The following ZCCHC17 variants were observed in gnomAD, a reference collection of about 807,000 sequenced individuals.
ZCCHC17 encodes zinc finger CCHC domain-containing protein 17.
ZCCHC17 carries 18 observed loss-of-function variants against 30.6 expected under a neutral mutation model. The ratio of observed to expected loss-of-function variants is 0.59; its 90% CI spans 0.41 to 0.87. The LOEUF is 0.87. Among genes scored for constraint, ZCCHC17 ranks in the 40% least tolerant of loss-of-function variants. ZCCHC17 has a pLI of 0.00. For missense variants in ZCCHC17, 263 were observed against 284.2 expected (o/e 0.93, Z 0.54); for synonymous variants, 88 against 92.4 (o/e 0.95, Z 0.27).
chr1:31,347,983 C>T (rs1004443313), intron 6 of ZCCHC17, among the ~76,000 whole-genome samples: 2 of 149,946 alleles, frequency 1.3e-5, no homozygotes, highest in Non-Finnish European at 3.0e-5. Flanking sequence ...TCAGACACAA[C>T]TAGCAGTGTA....
intron 3 of ZCCHC17, among the ~76,000 whole-genome samples, chr1:31,323,212 A>G (rs58768571): frequency 0.084 from 12,770 of 152,268 alleles, 1,789 homozygotes; most frequent in African/African-American, 0.29. Flanking sequence ...TGTATTTCTT[A>G]TACCACAGTA....
chr1:31,328,265 G>A (rs6687819), intron 3 of ZCCHC17, among the ~76,000 whole-genome samples: 82,576 of 151,948 alleles, frequency 0.54, 23,344 homozygotes, highest in Non-Finnish European at 0.62. Flanking sequence ...TGTAATTTCA[G>A]CACTTTGGGA....
intron 3 of ZCCHC17, among the ~76,000 whole-genome samples, chr1:31,336,735 G>T (rs2148452076): frequency 6.6e-6 from 1 of 151,800 alleles, no homozygotes; most frequent in East Asian, 2.0e-4. Flanking sequence ...TGCAGTTGCA[G>T]CTCACTGCAG....
chr1:31,322,550 G>C (rs781115317), intron 3 of ZCCHC17, among the ~76,000 whole-genome samples: 1 of 152,154 alleles, frequency 6.6e-6, no homozygotes, highest in Non-Finnish European at 1.5e-5. Context: ...GTTGGGGTGT[G>C]TCACCCTCTT....
chr1:31,359,129 TTTTG>T (rs1025380931), intron 7 of ZCCHC17, among the ~76,000 whole-genome samples: 3 of 152,150 alleles, frequency 2.0e-5, no homozygotes, highest in African/African-American at 7.2e-5. Flanking sequence ...TTACTGGTAA[TTTTG>T]TTTGTTTGTT....
chr1:31,333,809 A>G (rs977683114), intron 3 of ZCCHC17, among the ~76,000 whole-genome samples: 1 of 152,230 alleles, frequency 6.6e-6, no homozygotes, highest in East Asian at 1.9e-4. Flanking sequence ...GTGGTACTCC[A>G]GTAAATAGAC....
intron 4 of ZCCHC17, among the ~76,000 whole-genome samples, chr1:31,338,592 A>G (rs1638912678): frequency 6.6e-6 from 1 of 152,216 alleles, no homozygotes; most frequent in South Asian, 2.1e-4. Context: ...AAGGAGATCT[A>G]GTCTCTTGAA....
chr1:31,308,324 C>T (rs1172538154), intron 1 of ZCCHC17, among the ~76,000 whole-genome samples: 1 of 152,134 alleles, frequency 6.6e-6, no homozygotes, highest in African/African-American at 2.4e-5. Flanking sequence ...AGGGATGTTC[C>T]TGAGCTGTGG....
At chr1:31,304,893 C>A (rs1646413211) in intron 1 of ZCCHC17, among the ~76,000 whole-genome samples, 1 of 152,204 alleles carries the variant, frequency 6.6e-6, no homozygotes, top group South Asian at 2.1e-4. Flanking sequence ...CCACGCACGG[C>A]TGTATACTCT....
At chr1:31,343,792 C>T (rs1639136369) in intron 5 of ZCCHC17, among the ~76,000 whole-genome samples, 1 of 149,862 alleles carries the variant, frequency 6.7e-6, no homozygotes, top group Non-Finnish European at 1.5e-5. Flanking sequence ...TGATCCTCCT[C>T]CTTCAGCCTC....
intron 7 of ZCCHC17, among the ~76,000 whole-genome samples, chr1:31,350,946 G>C (rs1214742363): frequency 6.6e-6 from 1 of 152,122 alleles, no homozygotes; most frequent in South Asian, 2.1e-4. Flanking sequence ...TGTGATCTTT[G>C]ATGACAATGT....
chr1:31,311,692 G>A (rs1371430214), intron 2 of ZCCHC17, among the ~76,000 whole-genome samples: 2 of 152,180 alleles, frequency 1.3e-5, no homozygotes, highest in Non-Finnish European at 2.9e-5. Context: ...ACCCTTTCGA[G>A]CCCTTTTATG....
intron 3 of ZCCHC17, among the ~76,000 whole-genome samples, chr1:31,336,568 C>T (rs999235435): frequency 6.6e-6 from 1 of 152,140 alleles, no homozygotes; most frequent in African/African-American, 2.4e-5. Flanking sequence ...GTTATGTTGA[C>T]CAGGCTGGTC....
chr1:31,309,299 C>T (rs572374973), intron 1 of ZCCHC17, among the ~76,000 whole-genome samples: 1 of 152,148 alleles, frequency 6.6e-6, no homozygotes, highest in Admixed American at 6.6e-5. Context: ...ATAGAACTTA[C>T]ATTTTAAGAG....
intron 1 of ZCCHC17, among the ~76,000 whole-genome samples, chr1:31,301,970 G>A (rs1646323580): frequency 6.6e-6 from 1 of 152,156 alleles, no homozygotes; most frequent in African/African-American, 2.4e-5. Context: ...GTTCACACCT[G>A]TAATCCTAAC....
intron 2 of ZCCHC17, among the ~76,000 whole-genome samples, chr1:31,316,449 T>C (rs1646735034): frequency 6.6e-6 from 1 of 152,194 alleles, no homozygotes; most frequent in South Asian, 2.1e-4. Flanking sequence ...TTTAATAATG[T>C]TGTTACACAG....
At chr1:31,362,625 A>G (rs903830454) in intron 7 of ZCCHC17, among the ~76,000 whole-genome samples, 2 of 152,206 alleles carry the variant, frequency 1.3e-5, no homozygotes, top group South Asian at 2.1e-4. Context: ...GAGATGATGA[A>G]TATTCAAGGG....
chr1:31,307,651 T>C (rs1244634864), intron 1 of ZCCHC17, among the ~76,000 whole-genome samples: 2 of 151,862 alleles, frequency 1.3e-5, no homozygotes, highest in East Asian at 3.9e-4. Flanking sequence ...CTCGGCTCAC[T>C]GCAACCTCTG....
At position 31,339,960 on chromosome 1, in the gene ZCCHC17, C is replaced by CTTTTTTTT. The variant is rs36008834; in HGVS notation, c.317+929_317+936dup. 3.6e-3 allele frequency among the ~76,000 whole-genome samples: 327 copies of CTTTTTTTT among 90,408 alleles called. 17 individuals are homozygous for CTTTTTTTT. The highest frequency in any genetic ancestry group is 5.7e-3 in the Non-Finnish European group (254 of 44,908). 59.3% of individuals were successfully genotyped at this position (90,408 alleles called of 152,430 possible). On this transcript the variant is annotated intron_variant, in intron 5 of 7. Transcript: ENST00000344147. ...TCTGTCTCAAGTCTTTCTTGGATTT[C>CTTTTTTTT]TTTTTTTTTTTTTTTTTTTTTTTTG... is the stretch of plus-strand genomic sequence containing the variant.
Sources: gnomAD v4.1 joint callset for allele counts (sites outside exome capture counted in the v4.1 genomes callset) on GRCh38, gnomAD v4.1.1 for gene constraint, MANE v1.5 for transcripts, NCBI Gene and HGNC (gene_info 2026-07-23, HGNC 2026-07-21) for gene names.